Variants in USP6NL observed in about 807,000 individuals in gnomAD.
USP6NL encodes USP6 N-terminal like.
In USP6NL, 26 loss-of-function variants were observed where a neutral mutation model predicts 61.9. That is an observed-to-expected ratio of 0.42 (90% confidence interval 0.31 to 0.58). The LOEUF (loss-of-function observed/expected upper bound fraction) is 0.58, where lower values mean the gene tolerates loss of function less well. USP6NL is among the 20% of genes least tolerant of loss of function. USP6NL has a pLI of 0.16. For synonymous variants in USP6NL, 432 were observed against 390.1 expected, an observed-to-expected ratio of 1.11 and a Z score of -1.27; for missense variants, 1,114 against 1,034.3, an observed-to-expected ratio of 1.08 and a Z score of -1.06.
chr10:11,505,856 C>A (rs375506204), intron 6 of USP6NL, among the ~76,000 whole-genome samples: 3 of 152,310 alleles, frequency 2.0e-5, no homozygotes, highest in African/African-American at 7.2e-5. Flanking sequence ...GAGGCTCACT[C>A]GAGCTGCTTA....
At chr10:11,527,735 A>C (rs1256400850) in intron 2 of USP6NL, among the ~76,000 whole-genome samples, 168 bp from the exon 3 acceptor site, 1 of 152,234 alleles carries the variant, frequency 6.6e-6, no homozygotes, top group Non-Finnish European at 1.5e-5. Flanking sequence ...CAACTTTGTA[A>C]TAGCAATACA....
rs111479962 is a variant in USP6NL, at chr10:11,478,651, T to A, written c.1078+3119A>T. Among the ~76,000 whole-genome samples the A allele has an allele frequency of 1.3e-5, 2 of 152,176 alleles. No individual in the cohort carries two copies. Among genetic ancestry groups the A allele is most frequent in the African/African-American group, 2.4e-5 (1 of 41,446 alleles). On this transcript the variant is annotated intron_variant, in intron 14 of 14. Coordinates refer to ENST00000609104, the MANE Select transcript of USP6NL (RefSeq NM_014688.5). This position sits in a 1 kb window ranked among gnomAD's most constrained non-coding sequence, Gnocchi z 6.8. ...AACTGGAGGCCGGATACTCCTGTTATCCTAGCACTTTGGGAGGCTGAGGTG... is the reference window on the plus strand; with the variant it reads ...AACTGGAGGCCGGATACTCCTGTTAACCTAGCACTTTGGGAGGCTGAGGTG...
chr10:11,535,763 A>G (rs1310775501), intron 2 of USP6NL, among the ~76,000 whole-genome samples: 2 of 152,208 alleles, frequency 1.3e-5, no homozygotes, highest in Non-Finnish European at 2.9e-5. Flanking sequence ...TTTAGTTGTG[A>G]CCACTTTCTC....
At position 11,592,637 on chromosome 10, in the gene USP6NL, C is replaced by T. The variant is rs573989999; in HGVS notation, c.4+4994G>A. ...TGCTGGCATTTCAAAGACAATTCAA[C>T]TTAAATTTTCTTTTAACTTCTACCC... On this transcript the variant is annotated intron_variant, in intron 2 of 14. Transcript: ENST00000609104. This position sits in a 1 kb window ranked among gnomAD's most constrained non-coding sequence, Gnocchi z 4.7. 6.6e-6 allele frequency among the ~76,000 whole-genome samples: 1 copy of T among 152,282 alleles called. No individual in the cohort carries two copies. The highest frequency in any genetic ancestry group is 1.5e-5 in the Non-Finnish European group (1 of 68,020).
rs1229869971 is a variant in USP6NL, at chr10:11,491,590, C to G, written c.495-710G>C. ...AACCAACAGGCAAAGAAGGACGTGG[C>G]TGTGTGGGCTGGGGGGATTATCCTG... On this transcript the variant is annotated intron_variant, in intron 8 of 14. Transcript: ENST00000609104. The surrounding 1 kb of genome is among the most constrained non-coding windows in gnomAD (Gnocchi z 4.7). Among the ~76,000 whole-genome samples, 1 of 152,172 alleles carries G rather than the reference C, an allele frequency of 6.6e-6. No homozygotes were observed. Among genetic ancestry groups the G allele is most frequent in the Non-Finnish European group, 1.5e-5 (1 of 68,038 alleles).
Position 11,490,999 on chromosome 10 carries a change from A to C in USP6NL, c.495-119T>G. ...ACAGATAATCCAGATAAAATTACTA[A>C]TGTAATAAATTATCCCAAGTTCAAA... On this transcript the variant is annotated intron_variant, in intron 8 of 14. Coordinates refer to ENST00000609104, the MANE Select transcript of USP6NL (RefSeq NM_014688.5). The surrounding 1 kb of genome is among the most constrained non-coding windows in gnomAD (Gnocchi z 4.5). 1.2e-6 allele frequency: 1 copy of C among 839,636 alleles called. No individual in the cohort carries two copies. The highest frequency in any genetic ancestry group is 1.8e-6 in the Non-Finnish European group (1 of 564,952). 52.0% of individuals were successfully genotyped at this position (839,636 alleles called of 1,614,324 possible). A position where few individuals can be genotyped will look rare whatever the true frequency, so the allele number is the denominator to read the frequency against.
chr10:11,468,440 C>T lies in USP6NL; in HGVS notation c.1079-4591G>A, dbSNP rs147845265. 1.1e-3 allele frequency among the ~76,000 whole-genome samples: 163 copies of T among 152,282 alleles called. No individual in the cohort carries two copies. Among genetic ancestry groups the T allele is most frequent in the African/African-American group, 3.7e-3 (154 of 41,550 alleles). ...CTCTTTTTCACTGAAAACATGGAAG[C>T]GAAACACTACTGGACTACTGCCTAC... On this transcript the variant is annotated intron_variant, in intron 14 of 14. Coordinates refer to ENST00000609104, the MANE Select transcript of USP6NL (RefSeq NM_014688.5). The surrounding 1 kb of genome is among the most constrained non-coding windows in gnomAD (Gnocchi z 4.5).
At chr10:11,539,916 G>A (rs1835980980) in intron 2 of USP6NL, among the ~76,000 whole-genome samples, 1 of 152,204 alleles carries the variant, frequency 6.6e-6, no homozygotes, top group Non-Finnish European at 1.5e-5. Context: ...TGGAGACTGA[G>A]GCGTGGAAAT....
At chr10:11,500,308 C>T (rs1337592163) in intron 7 of USP6NL, among the ~76,000 whole-genome samples, 1 of 151,970 alleles carries the variant, frequency 6.6e-6, no homozygotes, top group Non-Finnish European at 1.5e-5. Context: ...TCTGCACGTC[C>T]TGCACATGTG....
chr10:11,548,788 T>C lies in USP6NL; in HGVS notation c.5-21221A>G, dbSNP rs1156396920. 3.3e-5 allele frequency among the ~76,000 whole-genome samples: 5 copies of C among 152,204 alleles called. No individual in the cohort carries two copies. ...TTTGTTCTTCTAGTCTATGGTAGGA[T>C]CATAGAAGACATGTATACCTTTCTA... is the stretch of plus-strand genomic sequence containing the variant. On this transcript the variant is annotated intron_variant, in intron 2 of 14. Transcript: ENST00000609104. This position sits in a 1 kb window ranked among gnomAD's most constrained non-coding sequence, Gnocchi z 4.3.
rs976376468 is a variant in USP6NL at position 11,592,572 on chromosome 10, A to T, written c.4+5059T>A. ...AATATAACAAAAGGATACCTGTTAT[A>T]CTTTGTAAGGGGATTTAAGATTCCA... On this transcript the variant is annotated intron_variant, in intron 2 of 14. Coordinates refer to ENST00000609104, the MANE Select transcript of USP6NL (RefSeq NM_014688.5). This position sits in a 1 kb window ranked among gnomAD's most constrained non-coding sequence, Gnocchi z 4.7. 1.3e-5 allele frequency among the ~76,000 whole-genome samples: 2 copies of T among 152,268 alleles called. No individual in the cohort carries two copies. The highest frequency in any genetic ancestry group is 2.9e-5 in the Non-Finnish European group (2 of 68,046).
At chr10:11,484,061 C>A (rs1833355877) in intron 13 of USP6NL, among the ~76,000 whole-genome samples, 1 of 152,130 alleles carries the variant, frequency 6.6e-6, no homozygotes, top group Non-Finnish European at 1.5e-5. Flanking sequence ...ATAAACAAGA[C>A]CCTGTGCACT....
intron 2 of USP6NL, chr10:11,564,768 T>C (rs886728613): frequency 6.6e-6 from 1 of 152,188 alleles, no homozygotes; most frequent in Non-Finnish European, 1.5e-5. Flanking sequence ...ACACAAGATA[T>C]TGCATGAGTG....
At chr10:11,466,920 T>C (rs1269801504) in intron 14 of USP6NL, among the ~76,000 whole-genome samples, 1 of 152,228 alleles carries the variant, frequency 6.6e-6, no homozygotes, top group Non-Finnish European at 1.5e-5. Context: ...GCCAGCATTC[T>C]ATATGCAGTC....
chr10:11,562,693 TTGTC>T lies in USP6NL; in HGVS notation c.4+34934_4+34937del, dbSNP rs773272223. On this transcript the variant is annotated intron_variant, in intron 2 of 14. Transcript: ENST00000609104. This position sits in a 1 kb window ranked among gnomAD's most constrained non-coding sequence, Gnocchi z 4.8. ...TGTTAGCCACTTGTATTTCTGTAAC[TTGTC>T]TATTTTATCTGCCAAATTTTCACTT... 22 of 985,354 alleles carry T rather than the reference TTGTC, an allele frequency of 2.2e-5. No homozygotes were observed. Among genetic ancestry groups the T allele is most frequent in the Non-Finnish European group, 2.7e-5 (22 of 829,952 alleles). 61.0% of individuals were successfully genotyped at this position (985,354 alleles called of 1,614,324 possible).
In USP6NL at chr10:11,595,895, G is replaced by C. The variant is rs1052750590; in HGVS notation, c.4+1736C>G. On this transcript the variant is annotated intron_variant, in intron 2 of 14. Coordinates refer to ENST00000609104, the MANE Select transcript of USP6NL (RefSeq NM_014688.5). This position sits in a 1 kb window ranked among gnomAD's most constrained non-coding sequence, Gnocchi z 5.3. The stretch of plus-strand genomic sequence containing the variant: ...GAATTAGTGGATTAGTGGATATAAA[G>C]AACCAGTTAAAAATCTTGCAAATGA... 2.0e-5 allele frequency among the ~76,000 whole-genome samples: 3 copies of C among 152,192 alleles called. No homozygotes were observed. The highest frequency in any genetic ancestry group is 4.4e-5 in the Non-Finnish European group (3 of 68,022).
Position 11,555,427 on chromosome 10 carries a change from A to AT in USP6NL, c.5-27861_5-27860insA, listed in dbSNP as rs1485331697. On this transcript the variant is annotated intron_variant, in intron 2 of 14. Transcript: ENST00000609104. ...TGAAACTCGGTCTTAAAAAAAAAAA[A>AT]AAAAAAATATATATATATATATATA... Among the ~76,000 whole-genome samples, 45 of 84,260 alleles carry AT rather than the reference A, an allele frequency of 5.3e-4. 1 individual carries two copies. Among genetic ancestry groups the AT allele is most frequent in the Non-Finnish European group, 9.0e-4 (41 of 45,364 alleles). 55.3% of individuals were successfully genotyped at this position (84,260 alleles called of 152,430 possible). A position where few individuals can be genotyped will look rare whatever the true frequency, so the allele number is the denominator to read the frequency against.
chr10:11,506,689 G>T (rs1834451460), intron 6 of USP6NL, among the ~76,000 whole-genome samples: 1 of 151,140 alleles, frequency 6.6e-6, no homozygotes, highest in African/African-American at 2.4e-5. Context: ...TACATAGGGA[G>T]GCAGTCACTG....
intron 5 of USP6NL, among the ~76,000 whole-genome samples, chr10:11,514,571 C>T (rs980392796): frequency 1.3e-5 from 2 of 152,148 alleles, no homozygotes; most frequent in African/African-American, 4.8e-5. Flanking sequence ...AATGTCTCCC[C>T]TTCAAATTTG....
Sources: gnomAD v4.1 joint callset for allele counts (sites outside exome capture counted in the v4.1 genomes callset) on GRCh38, gnomAD v4.1.1 for gene constraint, Gnocchi (gnomAD v3.1) non-coding constraint, MANE v1.5 for transcripts, NCBI Gene and HGNC (gene_info 2026-07-23, HGNC 2026-07-21) for gene names.